The following COL4A2 variants were observed in gnomAD, a reference collection of about 807,000 sequenced individuals.
COL4A2 encodes the protein collagen type IV alpha 2 chain.
In COL4A2, 99 loss-of-function variants were observed where a neutral mutation model predicts 200.2. The ratio of observed to expected loss-of-function variants is 0.49; its 90% CI spans 0.42 to 0.58. COL4A2 has a LOEUF of 0.58. COL4A2 is among the 20% of genes least tolerant of loss of function. COL4A2 has a pLI of 0.00. For synonymous variants in COL4A2, 897 were observed against 900.6 expected, an observed-to-expected ratio of 1.00 and a Z score of 0.07; for missense variants, 1,950 against 2,314.1, an observed-to-expected ratio of 0.84 and a Z score of 3.23.
intron 4 of COL4A2, among the ~76,000 whole-genome samples, chr13:110,384,403 A>G (rs2139414344): frequency 6.6e-6 from 1 of 152,336 alleles, no homozygotes; most frequent in African/African-American, 2.4e-5. Context: ...GTGAAGCATT[A>G]TCACACTTGT....
intron 47 of COL4A2, among the ~76,000 whole-genome samples, chr13:110,510,892 T>TG (rs1294456708): frequency 6.6e-6 from 1 of 152,218 alleles, no homozygotes; most frequent in Admixed American, 6.5e-5. Context: ...TCTTATTACC[T>TG]GCTCATTAGC....
intron 3 of COL4A2, among the ~76,000 whole-genome samples, chr13:110,320,588 G>A (rs146546033): frequency 2.9e-4 from 44 of 152,268 alleles, no homozygotes; most frequent in African/African-American, 7.2e-4. Context: ...GGATGACACC[G>A]ATAGATATTT....
chr13:110,327,214 C>T (rs1885440521), intron 3 of COL4A2, among the ~76,000 whole-genome samples: 1 of 152,198 alleles, frequency 6.6e-6, no homozygotes, highest in African/African-American at 2.4e-5. Flanking sequence ...GTTTATGATT[C>T]CCAGGGGGCC....
intron 41 of COL4A2, 117 bp downstream of exon 41, chr13:110,501,901 CAA>C: frequency 1.9e-6 from 2 of 1,030,802 alleles, no homozygotes; most frequent in South Asian, 2.8e-5. Context: ...AGACTCCGGT[CAA>C]AGAGGCAGGA....
rs74572645 is a variant in COL4A2 at position 110,442,780 on chromosome 13, A to G, written c.957+2947A>G. On this transcript the variant is annotated intron_variant, in intron 16 of 47. Coordinates refer to ENST00000360467, the MANE Select transcript of COL4A2 (RefSeq NM_001846.4). The stretch of plus-strand genomic sequence containing the variant: ...TTTCTAGGGGAAACATATCTTTAGT[A>G]ACTGAGCAAATGCTGTCCACAGTGT... Among the ~76,000 whole-genome samples the G allele has an allele frequency of 3.1e-3, 465 of 152,396 alleles. 1 individual carries two copies. The highest frequency in any genetic ancestry group is 0.011 in the African/African-American group (447 of 41,594).
rs1345088322 is a variant in COL4A2, at chr13:110,511,916, G to GC, written c.4882-12dup. 4 of 1,613,144 alleles carry GC rather than the reference G, an allele frequency of 2.5e-6. No individual in the cohort carries two copies. The highest frequency in any genetic ancestry group is 1.3e-5 in the African/African-American group (1 of 75,050). Reference sequence around the variant, plus strand: ...AGGCTGTGATTCCTAACCCTGTCCTGCCCCCCTCTCTGTGCAGCACACGGC... The same window carrying GC: ...AGGCTGTGATTCCTAACCCTGTCCTGCCCCCCCTCTCTGTGCAGCACACGGC... On this transcript the variant is annotated splice_polypyrimidine_tract_variant and intron_variant, in intron 47 of 47. Transcript: ENST00000360467.
chr13:110,354,996 T>TA (rs1877129184), intron 3 of COL4A2, among the ~76,000 whole-genome samples: 1 of 152,200 alleles, frequency 6.6e-6, no homozygotes. Context: ...CAAAACAACT[T>TA]ACAGAGGGAG....
chr13:110,403,950 A>G (rs1879469226), intron 4 of COL4A2, among the ~76,000 whole-genome samples: 1 of 152,206 alleles, frequency 6.6e-6, no homozygotes, highest in African/African-American at 2.4e-5. Context: ...TCTGCTTCAT[A>G]GACAGTGCCT....
At chr13:110,365,778 T>TG (rs1182370896) in intron 4 of COL4A2, among the ~76,000 whole-genome samples, 3 of 152,206 alleles carry the variant, frequency 2.0e-5, no homozygotes, top group African/African-American at 7.2e-5. Context: ...CAGTTGCTGA[T>TG]AGAAAATACA....
chr13:110,508,307 A>G lies in COL4A2; in HGVS notation c.4881+86A>G. On this transcript the variant is annotated intron_variant, in intron 47 of 47. Transcript: ENST00000360467. The surrounding 1 kb of genome is among the most constrained non-coding windows in gnomAD (Gnocchi z 6.1). ...CAGCTGCCTTTGTGAGAAGAATCAG[A>G]CACGGCAGTCCAGGGTGTGCACTGC... is the stretch of plus-strand genomic sequence containing the variant. The G allele has an allele frequency of 6.4e-7, 1 of 1,567,842 alleles. No individual in the cohort carries two copies. Among genetic ancestry groups the G allele is most frequent in the Non-Finnish European group, 8.7e-7 (1 of 1,152,810 alleles).
At chr13:110,373,194 T>C (rs75283730) in intron 4 of COL4A2, among the ~76,000 whole-genome samples, 1,772 of 152,336 alleles carry the variant, frequency 0.012, 14 homozygotes, top group African/African-American at 0.015. Context: ...TTCATATTGA[T>C]GGAACAACCC....
chr13:110,454,376 G>T (rs985311258), intron 20 of COL4A2, among the ~76,000 whole-genome samples: 1 of 152,320 alleles, frequency 6.6e-6, no homozygotes, highest in East Asian at 1.9e-4. Context: ...TGCTTCCATT[G>T]TAAGGAGCGC....
intron 32 of COL4A2, among the ~76,000 whole-genome samples, chr13:110,483,378 T>C (rs760153729): frequency 2.0e-5 from 3 of 152,078 alleles, no homozygotes; most frequent in Non-Finnish European, 4.4e-5. Context: ...AAGCATAGAG[T>C]TACCCAGAAG....
At chr13:110,453,980 A>G (rs1291743695) in intron 20 of COL4A2, among the ~76,000 whole-genome samples, 1 of 152,212 alleles carries the variant, frequency 6.6e-6, no homozygotes, top group Non-Finnish European at 1.5e-5. Context: ...CTCTCTTGTT[A>G]ACTACATTTC....
chr13:110,377,054 G>A (rs967127935), intron 4 of COL4A2, among the ~76,000 whole-genome samples: 9 of 151,302 alleles, frequency 5.9e-5, no homozygotes, highest in Non-Finnish European at 5.9e-5. Context: ...TACTTATTAC[G>A]TTGAATGTCA....
chr13:110,314,758 A>G (rs60461795), intron 3 of COL4A2, among the ~76,000 whole-genome samples: 14,857 of 152,258 alleles, frequency 0.098, 937 homozygotes, highest in Middle Eastern at 0.23. Context: ...GGAACGCATC[A>G]GGCAGTACCC....
At chr13:110,345,629 A>G (rs1876662833) in intron 3 of COL4A2, among the ~76,000 whole-genome samples, 1 of 152,184 alleles carries the variant, frequency 6.6e-6, no homozygotes, top group Non-Finnish European at 1.5e-5. Flanking sequence ...TCTCAACTAA[A>G]GGGTTAATAC....
intron 21 of COL4A2, 28 bp downstream of exon 21, chr13:110,457,463 A>G: frequency 7.5e-7 from 1 of 1,331,790 alleles, no homozygotes; most frequent in Non-Finnish European, 1.1e-6. Flanking sequence ...GGACGGGATG[A>G]GGACAGCCTG....
chr13:110,425,349 G>A (rs1196950179), intron 6 of COL4A2, among the ~76,000 whole-genome samples: 1 of 152,188 alleles, frequency 6.6e-6, no homozygotes, highest in Non-Finnish European at 1.5e-5. Flanking sequence ...TCAGCCAAGA[G>A]CATGGGCAGA....
Sources: allele counts gnomAD v4.1 joint callset (sites outside exome capture counted in the v4.1 genomes callset), GRCh38; gene constraint gnomAD v4.1.1; non-coding constraint Gnocchi (gnomAD v3.1); transcripts MANE v1.5; gene names NCBI Gene and HGNC (gene_info 2026-07-23, HGNC 2026-07-21).